Variants in USP53 observed in about 807,000 individuals in gnomAD.
The protein encoded by USP53 is ubiquitin carboxyl-terminal hydrolase 53.
In USP53, 71 loss-of-function variants were observed where a neutral mutation model predicts 94.9. That is an observed-to-expected ratio of 0.75 (90% CI 0.62 to 0.91). The LOEUF is 0.91. Ranked by LOEUF, USP53 falls within the 40% of genes least tolerant of loss-of-function variation. The pLI is 0.00. For synonymous variants in USP53, 375 were observed against 422.7 expected, an observed-to-expected ratio of 0.89 and a Z score of 1.39; for missense variants, 1,173 against 1,281.0, an observed-to-expected ratio of 0.92 and a Z score of 1.29.
intron 3 of USP53, among the ~76,000 whole-genome samples, chr4:119,227,967 C>G (rs1176398312): frequency 3.9e-5 from 6 of 152,180 alleles, no homozygotes; most frequent in Non-Finnish European, 8.8e-5. Context: ...ATGAGAAATT[C>G]TAGAGAAGTT....
In USP53 at chr4:119,212,875, T is replaced by TA. The variant is rs554756214; in HGVS notation, c.-942+4dup. 1,252 of 188,636 alleles carry TA rather than the reference T, an allele frequency of 6.6e-3. 19 individuals are homozygous for TA. The highest frequency in any genetic ancestry group is 0.026 in the African/African-American group (1,138 of 43,204). 11.7% of individuals were successfully genotyped at this position (188,636 alleles called of 1,614,324 possible). On this transcript the variant is annotated splice_region_variant and intron_variant, in intron 1 of 18. Coordinates refer to ENST00000692078, the MANE Select transcript of USP53 (RefSeq NM_001371395.1). ...CGCGCAAGGAGGGTAGAGCTCAAGG[T>TA]AAGTCTCCGAAACTAGCCCTCTGGT...
chr4:119,250,032 A>G (rs551662625), intron 7 of USP53, among the ~76,000 whole-genome samples: 1 of 152,152 alleles, frequency 6.6e-6, no homozygotes, highest in South Asian at 2.1e-4. Flanking sequence ...TACTCTTCAA[A>G]TATTTCTGTG....
At chr4:119,248,721 C>T (rs775944159) in intron 6 of USP53, 27 bp from the exon 7 acceptor site, 1 of 1,602,658 alleles carries the variant, frequency 6.2e-7, no homozygotes, top group Admixed American at 1.7e-5. Context: ...TGGCATTAAA[C>T]TTACTGATTT....
intron 5 of USP53, among the ~76,000 whole-genome samples, chr4:119,242,554 A>G (rs1378733901): frequency 6.6e-6 from 1 of 152,056 alleles, no homozygotes; most frequent in Non-Finnish European, 1.5e-5. Context: ...TCCTCATAGT[A>G]CACCCCCAAA....
At chr4:119,213,088 C>G (rs1235911911) in intron 1 of USP53, 1 of 153,114 alleles carries the variant, frequency 6.5e-6, no homozygotes, top group Non-Finnish European at 1.5e-5. Flanking sequence ...CTTCTCGCCG[C>G]GTCTGGCGGA....
chr4:119,238,030 C>T (rs575598632), intron 4 of USP53, among the ~76,000 whole-genome samples: 1 of 152,308 alleles, frequency 6.6e-6, no homozygotes, highest in South Asian at 2.1e-4. Context: ...ATCTTCTATC[C>T]AGACCACTCA....
intron 5 of USP53, among the ~76,000 whole-genome samples, chr4:119,243,548 T>C (rs1284505539): frequency 2.6e-5 from 4 of 152,124 alleles, no homozygotes; most frequent in Admixed American, 2.6e-4. Flanking sequence ...TAACTATAAT[T>C]AGGATAATTA....
rs1561375957 is a variant in USP53, at chr4:119,294,493, T to C, written c.*1282T>C. 2 of 152,110 alleles carry C rather than the reference T, an allele frequency of 1.3e-5. No individual in the cohort carries two copies. The highest frequency in any genetic ancestry group is 2.4e-5 in the African/African-American group (1 of 41,448). 9.4% of individuals were successfully genotyped at this position (152,110 alleles called of 1,614,324 possible). ...TGCTTTATTTCGTTAGTTGTCATTTTATTTTGTACTATGCTGGTAAACTAA... is the reference window on the plus strand; with the variant it reads ...TGCTTTATTTCGTTAGTTGTCATTTCATTTTGTACTATGCTGGTAAACTAA... On this transcript the variant is annotated 3_prime_UTR_variant, in exon 19 of 19. Coordinates refer to ENST00000692078, the MANE Select transcript of USP53 (RefSeq NM_001371395.1).
chr4:119,274,038 GC>G (rs1013421463), intron 17 of USP53, among the ~76,000 whole-genome samples: 1 of 139,052 alleles, frequency 7.2e-6, no homozygotes, highest in African/African-American at 2.6e-5. Context: ...GAAGTTTGCA[GC>G]CTTTTTTTTT....
intron 7 of USP53, among the ~76,000 whole-genome samples, chr4:119,252,083 C>A (rs529952003): frequency 6.6e-6 from 1 of 152,222 alleles, no homozygotes; most frequent in African/African-American, 2.4e-5. Flanking sequence ...GGGATGAAGC[C>A]CACTTGATCA....
At chr4:119,258,446 CTAGT>C (rs1459531327) in intron 9 of USP53, among the ~76,000 whole-genome samples, 1 of 152,110 alleles carries the variant, frequency 6.6e-6, no homozygotes, top group Non-Finnish European at 1.5e-5. Context: ...AGAATGGAAA[CTAGT>C]TAGTGTTTCA....
intron 7 of USP53, among the ~76,000 whole-genome samples, 155 bp from the exon 8 acceptor site, chr4:119,256,091 G>A (rs187185914): frequency 2.0e-4 from 30 of 152,174 alleles, no homozygotes; most frequent in African/African-American, 5.3e-4. Context: ...TTGAACATTC[G>A]ATCAAAGTGT....
chr4:119,247,704 T>C (rs1748439408), intron 6 of USP53, among the ~76,000 whole-genome samples: 1 of 152,176 alleles, frequency 6.6e-6, no homozygotes, highest in South Asian at 2.1e-4. Context: ...AAATATATGT[T>C]GAATCAATGA....
chr4:119,225,936 T>A (rs1477061427), intron 3 of USP53, among the ~76,000 whole-genome samples: 1 of 152,186 alleles, frequency 6.6e-6, no homozygotes, highest in Non-Finnish European at 1.5e-5. Context: ...GAATACAAGG[T>A]TGATTTAACA....
intron 17 of USP53, among the ~76,000 whole-genome samples, chr4:119,279,579 G>A (rs879174646): frequency 1.3e-5 from 2 of 148,826 alleles, no homozygotes; most frequent in African/African-American, 2.5e-5. Context: ...GCCCCCAGAG[G>A]TGGAGCCTAC....
chr4:119,269,690 G>C lies in USP53; in HGVS notation c.1289-1G>C. The C allele has an allele frequency of 7.1e-7, 1 of 1,417,370 alleles. No homozygotes were observed. The allele number at this position is 1,417,370 out of a possible 1,614,324, so 87.8% of individuals were successfully genotyped here. Reference sequence around the variant, plus strand: ...CATAGTAAGAATGATTTCTTTTACAGCTAAGTTAAGTCACATTGATCAAAG... The same window carrying C: ...CATAGTAAGAATGATTTCTTTTACACCTAAGTTAAGTCACATTGATCAAAG... On this transcript the variant is annotated splice_acceptor_variant, in intron 14 of 18. Coordinates refer to ENST00000692078, the MANE Select transcript of USP53 (RefSeq NM_001371395.1). LOFTEE classifies it high-confidence loss of function.
chr4:119,245,566 A>G, intron 6 of USP53, 137 bp downstream of exon 6: 2 of 661,132 alleles, frequency 3.0e-6, no homozygotes, highest in African/African-American at 1.8e-5. Context: ...TCTTAACAGT[A>G]TGACTTATTC....
rs773763297 is a variant in USP53, at chr4:119,268,682, TA to T, written c.1288+264del. 3.3e-5 allele frequency among the ~76,000 whole-genome samples: 5 copies of T among 152,330 alleles called. No homozygotes were observed. The East Asian group carries it at 9.6e-4, about 29-fold the overall frequency. ...TCTGGACAGTTACCAAATAAAGCAA[TA>T]ATGTGGCATTTCATTCAAGGAGTTA... On this transcript the variant is annotated intron_variant, in intron 14 of 18. Transcript: ENST00000692078.
intron 3 of USP53, among the ~76,000 whole-genome samples, chr4:119,233,243 G>A (rs547709571): frequency 6.7e-6 from 1 of 150,274 alleles, no homozygotes; most frequent in African/African-American, 2.4e-5. Context: ...TTTTAGTTTG[G>A]GATTTATTTT....
Sources: allele counts gnomAD v4.1 joint callset (sites outside exome capture counted in the v4.1 genomes callset), GRCh38; gene constraint gnomAD v4.1.1; transcripts MANE v1.5; gene names NCBI Gene and HGNC (gene_info 2026-07-23, HGNC 2026-07-21).